The following DLGAP1 variants were observed in gnomAD, a reference collection of about 807,000 sequenced individuals.
DLGAP1 encodes the protein disks large-associated protein 1.
In DLGAP1, 11 loss-of-function variants were observed where a neutral mutation model predicts 90.8. The observed-to-expected ratio is 0.12, with a 90% confidence interval of 0.08 to 0.20. The LOEUF is 0.20. Among genes scored for constraint, DLGAP1 ranks in the 10% least tolerant of loss-of-function variants. DLGAP1 has a pLI of 1.00. For synonymous variants in DLGAP1, 558 were observed against 540.7 expected (o/e 1.03, Z -0.44); for missense variants, 1,050 against 1,333.8 (o/e 0.79, Z 3.31).
At chr18:4,007,267 C>A (rs1336832508) in intron 2 of DLGAP1, among the ~76,000 whole-genome samples, 2 of 152,108 alleles carry the variant, frequency 1.3e-5, no homozygotes, top group Non-Finnish European at 2.9e-5. Flanking sequence ...AGGCCAAGGT[C>A]TGAAGAGTGG....
intron 3 of DLGAP1, among the ~76,000 whole-genome samples, chr18:3,893,575 A>G (rs1568284370): frequency 7.4e-6 from 1 of 134,762 alleles, no homozygotes; most frequent in Non-Finnish European, 1.6e-5. Flanking sequence ...GCAAAACTCA[A>G]TCTCAAAATA....
At chr18:4,255,474 C>CAT (rs71840409) in intron 1 of DLGAP1, among the ~76,000 whole-genome samples, 60 of 147,388 alleles carry the variant, frequency 4.1e-4, no homozygotes, top group Admixed American at 9.5e-4. Context: ...GAGAGATATA[C>CAT]ATATATATAT....
At chr18:3,828,857 T>C (rs1346366546) in intron 4 of DLGAP1, among the ~76,000 whole-genome samples, 2 of 152,090 alleles carry the variant, frequency 1.3e-5, no homozygotes, top group Non-Finnish European at 2.9e-5. Flanking sequence ...AACAATGTCT[T>C]AGAATTTTGA....
chr18:3,620,988 G>T (rs1379920647), intron 7 of DLGAP1, among the ~76,000 whole-genome samples: 1 of 152,198 alleles, frequency 6.6e-6, no homozygotes, highest in Non-Finnish European at 1.5e-5. Context: ...GAACACGTGG[G>T]TCAAATCCTC....
At chr18:3,508,442 T>G in intron 11 of DLGAP1, 128 bp downstream of exon 11, 1 of 442,130 alleles carries the variant, frequency 2.3e-6, no homozygotes, top group African/African-American at 2.0e-5. Context: ...AATTCTCTGT[T>G]CCAAGTGAGA....
intron 3 of DLGAP1, among the ~76,000 whole-genome samples, chr18:3,900,607 C>A (rs990176343): frequency 6.6e-6 from 1 of 152,060 alleles, no homozygotes; most frequent in Non-Finnish European, 1.5e-5. Context: ...AGCTTGTGGG[C>A]TCATTTTTGT....
At chr18:4,374,416 G>A (rs1349300950) in intron 1 of DLGAP1, among the ~76,000 whole-genome samples, 2 of 152,012 alleles carry the variant, frequency 1.3e-5, no homozygotes, top group Admixed American at 1.3e-4. Flanking sequence ...AAGTACTAGA[G>A]CTACCCAGAG....
chr18:4,372,744 T>G (rs573815976), intron 1 of DLGAP1, among the ~76,000 whole-genome samples: 195 of 152,022 alleles, frequency 1.3e-3, no homozygotes, highest in African/African-American at 4.5e-3. Context: ...CTGGCCAACA[T>G]GGTGAAACCC....
intron 2 of DLGAP1, among the ~76,000 whole-genome samples, chr18:4,144,652 A>G (rs1352582427): frequency 6.6e-6 from 1 of 152,110 alleles, no homozygotes; most frequent in Non-Finnish European, 1.5e-5. Context: ...TGCAGAGAGG[A>G]TGATAGTGGA....
intron 1 of DLGAP1, among the ~76,000 whole-genome samples, chr18:4,311,857 AG>A (rs2080407257): frequency 1.3e-5 from 2 of 152,190 alleles, no homozygotes; most frequent in Non-Finnish European, 2.9e-5. Flanking sequence ...CTGGGATTAC[AG>A]GTGCCCGCCA....
intron 3 of DLGAP1, chr18:3,895,683 A>G (rs1370250813): frequency 6.6e-6 from 1 of 152,270 alleles, no homozygotes; most frequent in Non-Finnish European, 1.5e-5. Context: ...CCAGCACCGT[A>G]CAGAGCAGAG....
At chr18:3,535,663 G>A (rs576018123) in intron 9 of DLGAP1, among the ~76,000 whole-genome samples, 45 of 149,092 alleles carry the variant, frequency 3.0e-4, no homozygotes, top group African/African-American at 8.7e-4. Context: ...AGCTGAGATC[G>A]CACCACTGCA....
chr18:3,898,773 T>C (rs925821559), intron 3 of DLGAP1, among the ~76,000 whole-genome samples: 8 of 152,160 alleles, frequency 5.3e-5, no homozygotes, highest in African/African-American at 1.9e-4. Context: ...CAACATGAAC[T>C]AGAAATAAAG....
At chr18:3,685,420 C>G (rs370204087) in intron 7 of DLGAP1, among the ~76,000 whole-genome samples, 1 of 151,818 alleles carries the variant, frequency 6.6e-6, no homozygotes, top group Non-Finnish European at 1.5e-5. Flanking sequence ...AAAAATTAGC[C>G]GGGTGTGGTG....
intron 3 of DLGAP1, among the ~76,000 whole-genome samples, chr18:3,942,868 G>A (rs2072797814): frequency 6.6e-6 from 1 of 152,064 alleles, no homozygotes; most frequent in Admixed American, 6.5e-5. Context: ...ACCGTCTAGG[G>A]TTTGGGTACG....
intron 1 of DLGAP1, among the ~76,000 whole-genome samples, chr18:4,308,004 C>T (rs1203117451): frequency 3.9e-5 from 6 of 152,194 alleles, no homozygotes; most frequent in African/African-American, 1.2e-4. Context: ...CATGAGCCAC[C>T]GTGCCCGGCC....
At chr18:3,659,797 C>T (rs912772595) in intron 7 of DLGAP1, among the ~76,000 whole-genome samples, 1 of 152,154 alleles carries the variant, frequency 6.6e-6, no homozygotes, top group Non-Finnish European at 1.5e-5. Context: ...ATCTCTTGAC[C>T]TCATGATCCG....
At chr18:3,974,666 A>G (rs1939375877) in intron 3 of DLGAP1, among the ~76,000 whole-genome samples, 2 of 152,180 alleles carry the variant, frequency 1.3e-5, no homozygotes, top group South Asian at 4.1e-4. Context: ...AATCAGGTAA[A>G]TGGGAGTATG....
chr18:4,266,254 C>T (rs1311117052), intron 1 of DLGAP1, among the ~76,000 whole-genome samples: 1 of 152,210 alleles, frequency 6.6e-6, no homozygotes, highest in Non-Finnish European at 1.5e-5. Flanking sequence ...TCCAACTATA[C>T]AGCCCTCAAG....
Sources: allele counts gnomAD v4.1 joint callset (sites outside exome capture counted in the v4.1 genomes callset), GRCh38; gene constraint gnomAD v4.1.1; transcripts MANE v1.5; gene names NCBI Gene and HGNC (gene_info 2026-07-23, HGNC 2026-07-21).